SLC39A8: variants seen among roughly 807,000 people sequenced by gnomAD.
The protein encoded by SLC39A8 is metal cation symporter ZIP8.
In SLC39A8, 15 loss-of-function variants were observed where a neutral mutation model predicts 40.4. The ratio of observed to expected loss-of-function variants is 0.37; its 90% CI spans 0.25 to 0.57. The LOEUF is 0.57. Among genes scored for constraint, SLC39A8 ranks in the 20% least tolerant of loss-of-function variants. The pLI is 0.75. For missense variants in SLC39A8, 472 were observed against 558.8 expected (o/e 0.84, Z 1.57); for synonymous variants, 223 against 221.6 (o/e 1.01, Z -0.06).
intron 3 of SLC39A8, among the ~76,000 whole-genome samples, chr4:102,308,592 G>A (rs554787103): frequency 4.6e-5 from 7 of 152,166 alleles, no homozygotes; most frequent in South Asian, 4.1e-4. Context: ...GAGATACAAC[G>A]TGGCCTCAGG....
At chr4:102,282,257 T>G (rs761902822) in intron 6 of SLC39A8, among the ~76,000 whole-genome samples, 1 of 152,156 alleles carries the variant, frequency 6.6e-6, no homozygotes. Flanking sequence ...CAGTGAGTGT[T>G]TGTTGACTAA....
intron 11 of SLC39A8, among the ~76,000 whole-genome samples, chr4:102,254,436 A>G (rs1424161407): frequency 6.6e-6 from 1 of 152,228 alleles, no homozygotes; most frequent in Non-Finnish European, 1.5e-5. Flanking sequence ...ATAGTTCCCT[A>G]CAATGGTTTA....
intron 2 of SLC39A8, among the ~76,000 whole-genome samples, chr4:102,343,882 C>G (rs928893271): frequency 6.6e-6 from 1 of 152,150 alleles, no homozygotes; most frequent in Non-Finnish European, 1.5e-5. Context: ...CCTAGTCTAC[C>G]ACCATCTGGA....
At chr4:102,274,403 AAAACAATG>A (rs530300530) in intron 6 of SLC39A8, among the ~76,000 whole-genome samples, 43 of 152,352 alleles carry the variant, frequency 2.8e-4, no homozygotes, top group African/African-American at 8.9e-4. Context: ...GATTAGAGAA[AAAACAATG>A]AAGAGGAACA....
chr4:102,297,893 G>A (rs75944409), intron 6 of SLC39A8, among the ~76,000 whole-genome samples: 14,261 of 151,960 alleles, frequency 0.094, 782 homozygotes, highest in South Asian at 0.15. Flanking sequence ...ACTCCAGCCT[G>A]GGTTATGGAG....
At chr4:102,319,341 T>C (rs1285639722) in intron 2 of SLC39A8, among the ~76,000 whole-genome samples, 1 of 152,204 alleles carries the variant, frequency 6.6e-6, no homozygotes, top group Non-Finnish European at 1.5e-5. Context: ...TTATAATAAA[T>C]GCTGAATCTG....
At chr4:102,283,533 A>ATT (rs1733001626) in intron 6 of SLC39A8, among the ~76,000 whole-genome samples, 1 of 137,350 alleles carries the variant, frequency 7.3e-6, no homozygotes, top group Non-Finnish European at 1.7e-5. Context: ...AGGTGTTCTG[A>ATT]GGATTGCTAA....
At chr4:102,307,895 G>A (rs575660514) in intron 3 of SLC39A8, among the ~76,000 whole-genome samples, 2 of 152,100 alleles carry the variant, frequency 1.3e-5, no homozygotes, top group East Asian at 1.9e-4. Context: ...ACAGCGAACA[G>A]CGACAAACAA....
intron 2 of SLC39A8, among the ~76,000 whole-genome samples, chr4:102,335,532 C>T (rs1261265650): frequency 1.3e-5 from 2 of 151,964 alleles, no homozygotes; most frequent in East Asian, 1.9e-4. Context: ...AATTTAAAAC[C>T]GCAATTCTAT....
rs1193097734 is a variant in SLC39A8 at position 102,262,299 on chromosome 4, A to G, written c.*745T>C. ...TACCAGCTTTACATACTGTTCTGCC[A>G]TTTGTGAGGGGTGCAACCACAACAT... On this transcript the variant is annotated 3_prime_UTR_variant, in exon 9 of 9. Transcript: ENST00000356736. 8.1e-6 allele frequency: 8 copies of G among 985,686 alleles called. No homozygotes were observed. The highest frequency in any genetic ancestry group is 9.6e-6 in the Non-Finnish European group (8 of 829,922). The allele number at this position is 985,686 out of a possible 1,614,324, so 61.1% of individuals were successfully genotyped here.
intron 6 of SLC39A8, among the ~76,000 whole-genome samples, chr4:102,277,589 C>T (rs1471255864): frequency 6.6e-6 from 1 of 152,138 alleles, no homozygotes; most frequent in Non-Finnish European, 1.5e-5. Context: ...AATGCTATTT[C>T]CAACAAGCTA....
At position 102,262,064 on chromosome 4, in the gene SLC39A8, C is replaced by A. The variant is rs950148634; in HGVS notation, c.*980G>T. On this transcript the variant is annotated 3_prime_UTR_variant, in exon 9 of 9. Coordinates refer to ENST00000356736, the MANE Select transcript of SLC39A8 (RefSeq NM_001135146.2). The stretch of plus-strand genomic sequence containing the variant: ...AAGTCTTTTCTGAATGGCTCTCGAT[C>A]ACACATAAGGAACATATGTTTTCCA... 19 of 985,818 alleles carry A rather than the reference C, an allele frequency of 1.9e-5. No individual in the cohort carries two copies. In the African/African-American group the frequency reaches 3.3e-4, roughly 17 times the overall value. The allele number at this position is 985,818 out of a possible 1,614,324, so 61.1% of individuals were successfully genotyped here. A position where few individuals can be genotyped will look rare whatever the true frequency, so the allele number is the denominator to read the frequency against.
At chr4:102,334,625 G>T (rs767912632) in intron 2 of SLC39A8, among the ~76,000 whole-genome samples, 3 of 152,120 alleles carry the variant, frequency 2.0e-5, no homozygotes, top group Non-Finnish European at 2.9e-5. Context: ...GTTCCCAGTG[G>T]CTTCAAGAAA....
At chr4:102,283,865 T>C (rs1162572778) in intron 6 of SLC39A8, among the ~76,000 whole-genome samples, 1 of 152,204 alleles carries the variant, frequency 6.6e-6, no homozygotes, top group African/African-American at 2.4e-5. Context: ...TCTGTTCATC[T>C]TTCTGTTCCT....
intron 6 of SLC39A8, among the ~76,000 whole-genome samples, chr4:102,291,299 C>T (rs233808): frequency 0.27 from 40,375 of 151,802 alleles, 5,649 homozygotes; most frequent in South Asian, 0.35. Flanking sequence ...AAAGCCTTTT[C>T]TAAACCAAGG....
At chr4:102,280,806 C>G (rs942262591) in intron 6 of SLC39A8, among the ~76,000 whole-genome samples, 2 of 152,122 alleles carry the variant, frequency 1.3e-5, no homozygotes, top group African/African-American at 4.8e-5. Context: ...CTAGAAACCT[C>G]GCAAGTTGTT....
chr4:102,292,780 A>G (rs1390875117), intron 6 of SLC39A8, among the ~76,000 whole-genome samples: 3 of 152,070 alleles, frequency 2.0e-5, no homozygotes, highest in Non-Finnish European at 4.4e-5. Flanking sequence ...ATGGTGATGT[A>G]TGGTTGTATG....
chr4:102,299,954 C>T (rs940190687), intron 6 of SLC39A8, among the ~76,000 whole-genome samples: 1 of 152,042 alleles, frequency 6.6e-6, no homozygotes, highest in Non-Finnish European at 1.5e-5. Context: ...TGAAATGACT[C>T]CACACTTGGC....
chr4:102,329,143 CAAAGCCTTCCTGGAG>C (rs1735341571), intron 2 of SLC39A8, among the ~76,000 whole-genome samples: 1 of 152,010 alleles, frequency 6.6e-6, no homozygotes, highest in Admixed American at 6.6e-5. Flanking sequence ...ATGGGACTGT[CAAAGCCTTCCTGGAG>C]AAAGCAGCAC....
Sources: allele counts gnomAD v4.1 joint callset (sites outside exome capture counted in the v4.1 genomes callset), GRCh38; gene constraint gnomAD v4.1.1; transcripts MANE v1.5; gene names NCBI Gene and HGNC (gene_info 2026-07-23, HGNC 2026-07-21).